The following NRG2 variants were observed in gnomAD, a reference collection of about 807,000 sequenced individuals.
NRG2 encodes the protein neuregulin 2.
In NRG2, 27 loss-of-function variants were observed where a neutral mutation model predicts 73.9. The observed-to-expected ratio is 0.37, with a 90% confidence interval of 0.27 to 0.50. The LOEUF (loss-of-function observed/expected upper bound fraction) is 0.50, where lower values mean the gene tolerates loss of function less well. NRG2 is among the 20% of genes least tolerant of loss of function. The pLI, the probability that NRG2 is intolerant of heterozygous loss-of-function variation, is 0.96. For synonymous variants in NRG2, 532 were observed against 541.0 expected (o/e 0.98, Z 0.23); for missense variants, 1,126 against 1,210.1 (o/e 0.93, Z 1.03).
chr5:140,022,194 G>A (rs1286839481), intron 1 of NRG2, among the ~76,000 whole-genome samples: 8 of 152,172 alleles, frequency 5.3e-5, no homozygotes, highest in South Asian at 2.1e-4. Flanking sequence ...TTCTTTCTTC[G>A]TGATTTTATT....
Position 139,865,683 on chromosome 5 carries a change from G to A in NRG2, c.1113-58C>T. ...AAACTGGCATCATCCGCGAGGCTAA[G>A]GTTAGAAATCAAAGTGCACAGTGAT... On this transcript the variant is annotated intron_variant, in intron 4 of 9. Transcript: ENST00000361474. This position sits in a 1 kb window ranked among gnomAD's most constrained non-coding sequence, Gnocchi z 5.2. 6.9e-7 allele frequency: 1 copy of A among 1,458,616 alleles called. No homozygotes were observed. The highest frequency in any genetic ancestry group is 1.2e-5 in the South Asian group (1 of 84,090). 90.4% of individuals were successfully genotyped at this position (1,458,616 alleles called of 1,614,324 possible).
rs1377533787 is a variant in NRG2, at chr5:140,008,456, G to A, written c.700+33914C>T. Reference sequence around the variant, plus strand: ...TTGGGTCTGACCTACTCTCTCTAAGGTCTAGTCCTATTATAGGCCCACTTC... The same window carrying A: ...TTGGGTCTGACCTACTCTCTCTAAGATCTAGTCCTATTATAGGCCCACTTC... On this transcript the variant is annotated intron_variant, in intron 1 of 9. Transcript: ENST00000361474. The surrounding 1 kb of genome is among the most constrained non-coding windows in gnomAD (Gnocchi z 4.2). Among the ~76,000 whole-genome samples the A allele has an allele frequency of 6.6e-6, 1 of 152,144 alleles. No homozygotes were observed. The highest frequency in any genetic ancestry group is 1.5e-5 in the Non-Finnish European group (1 of 68,032).
chr5:139,887,125 G>A lies in NRG2; in HGVS notation c.872+215C>T, dbSNP rs1394113078. 6.6e-6 allele frequency among the ~76,000 whole-genome samples: 1 copy of A among 152,196 alleles called. No individual in the cohort carries two copies. The highest frequency in any genetic ancestry group is 1.5e-5 in the Non-Finnish European group (1 of 68,034). On this transcript the variant is annotated intron_variant, in intron 2 of 9. Transcript: ENST00000361474. The surrounding 1 kb of genome is among the most constrained non-coding windows in gnomAD (Gnocchi z 4.5). ...AGTTAAAGGCTTAATTCTTGTCTGT[G>A]GTCTGCAAGACCCTGGGCCACCATG...
chr5:139,936,669 G>T (rs1752874203), intron 1 of NRG2, among the ~76,000 whole-genome samples: 1 of 152,122 alleles, frequency 6.6e-6, no homozygotes. Context: ...GGCTGGTATT[G>T]CTCTGATACC....
intron 1 of NRG2, among the ~76,000 whole-genome samples, chr5:140,040,818 CTTG>C (rs1761858442): frequency 6.6e-6 from 1 of 152,188 alleles, no homozygotes; most frequent in Non-Finnish European, 1.5e-5. Flanking sequence ...CTGGTCTCTA[CTTG>C]TCTTTATAAA....
At chr5:139,962,362 A>G (rs1755134174) in intron 1 of NRG2, among the ~76,000 whole-genome samples, 2 of 152,224 alleles carry the variant, frequency 1.3e-5, no homozygotes, top group African/African-American at 2.4e-5. Context: ...GGGTGATCAG[A>G]GCCAGCTTGG....
chr5:139,881,048 G>A (rs537183635), intron 2 of NRG2, 74 bp from the exon 3 acceptor site: 75 of 1,264,262 alleles, frequency 5.9e-5, no homozygotes, highest in East Asian at 5.8e-4. Context: ...GTCACCCAGC[G>A]GTTGCCTCTC....
At chr5:139,876,464 G>A (rs1763179743) in intron 3 of NRG2, among the ~76,000 whole-genome samples, 2 of 152,082 alleles carry the variant, frequency 1.3e-5, no homozygotes, top group South Asian at 4.2e-4. Context: ...ACTTTAAAAG[G>A]GTGAATTTTA....
chr5:140,012,314 C>T (rs1279698882), intron 1 of NRG2, among the ~76,000 whole-genome samples: 1 of 152,200 alleles, frequency 6.6e-6, no homozygotes, highest in African/African-American at 2.4e-5. Flanking sequence ...TGCCATCATG[C>T]CAAATGCTTC....
chr5:140,015,648 T>A (rs12655558), intron 1 of NRG2, among the ~76,000 whole-genome samples: 14,452 of 152,224 alleles, frequency 0.095, 1,133 homozygotes, highest in East Asian at 0.46. Context: ...GCCTGGAGCT[T>A]TCCATTTCTG....
chr5:139,958,132 T>G (rs1158126595), intron 1 of NRG2, among the ~76,000 whole-genome samples: 1 of 152,118 alleles, frequency 6.6e-6, no homozygotes, highest in Non-Finnish European at 1.5e-5. Context: ...ATGCAAGGCC[T>G]GACTACAACT....
chr5:139,938,160 T>A (rs1451539534), intron 1 of NRG2, among the ~76,000 whole-genome samples: 2 of 152,218 alleles, frequency 1.3e-5, no homozygotes, highest in African/African-American at 4.8e-5. Flanking sequence ...TGTTCATGGA[T>A]GAGAAGACTC....
intron 1 of NRG2, among the ~76,000 whole-genome samples, chr5:140,021,339 G>A (rs187079937): frequency 6.6e-6 from 1 of 152,298 alleles, no homozygotes; most frequent in African/African-American, 2.4e-5. Context: ...AAAGTCTGAG[G>A]TTAGGACTAT....
chr5:139,865,558 G>C lies in NRG2; in HGVS notation c.1180C>G (p.Pro394Ala). ...GTATCTTCAAACATACTTTGCTTAG[G>C]ATCTGGCATGTACAATCGCAAAGGC... ...KLPLRLYMPDPKQKAEELYQK... is the reference protein window; with the variant it reads ...KLPLRLYMPDAKQKAEELYQK... The change falls in exon 5 of 10, where the codon CCT becomes GCT. Residue 394 changes from proline to alanine, a missense_variant. By Grantham distance (27) the Pro-to-Ala change is conservative (BLOSUM62 -1). This residue lies in a region of NRG2 where 539 missense variants were observed against 703.2 expected (regional missense o/e 0.77). Coordinates refer to ENST00000361474, the MANE Select transcript of NRG2 (RefSeq NM_004883.3). This position sits in a 1 kb window ranked among gnomAD's most constrained non-coding sequence, Gnocchi z 5.2. 1 of 1,612,322 alleles carries C rather than the reference G, an allele frequency of 6.2e-7. No homozygotes were observed. The highest frequency in any genetic ancestry group is 2.2e-5 in the East Asian group (1 of 44,878).
rs140045880 is a variant in NRG2 at position 139,945,298 on chromosome 5, C to T, written c.701-57787G>A. On this transcript the variant is annotated intron_variant, in intron 1 of 9. Transcript: ENST00000361474. Reference sequence around the variant, plus strand: ...GTTTATTTTTGCTTTTGTCGCCTGTCTTATTCATAAAATATTTTCCCAGAC... The same window carrying T: ...GTTTATTTTTGCTTTTGTCGCCTGTTTTATTCATAAAATATTTTCCCAGAC... Among the ~76,000 whole-genome samples the T allele has an allele frequency of 7.4e-4, 112 of 151,952 alleles. 2 individuals are homozygous for T. In the East Asian group the frequency reaches 0.021, roughly 29 times the overall value.
At position 140,042,780 on chromosome 5, in the gene NRG2, G is replaced by A. The variant is rs1405344322; in HGVS notation, c.290C>T (p.Pro97Leu). The A allele has an allele frequency of 2.0e-6, 3 of 1,526,134 alleles. No individual in the cohort carries two copies. In the Admixed American group the frequency reaches 6.1e-5, roughly 31 times the overall value. The allele number at this position is 1,526,134 out of a possible 1,614,324, so 94.5% of individuals were successfully genotyped here. A position where few individuals can be genotyped will look rare whatever the true frequency, so the allele number is the denominator to read the frequency against. The change falls in exon 1 of 10, where the codon CCG (proline) becomes CTG (leucine). Residue 97 changes from proline (P) to leucine (L), a missense_variant. Physicochemically the swap from Pro to Leu is moderately conservative, Grantham distance 98. This residue lies in a region of NRG2 where 185 missense variants were observed against 149.0 expected (regional missense o/e 1.24). Transcript: ENST00000361474. ...GAGCAGCATGGAGAAGCCGGGGGCC[G>A]GGTCGCGCCTCATGCCGCCGGCGGC... Reference protein sequence around the residue: ...AAAAGGMRRDPAPGFSMLLFG... With the variant: ...AAAAGGMRRDLAPGFSMLLFG...
chr5:139,973,515 A>C (rs1386134896), intron 1 of NRG2, among the ~76,000 whole-genome samples: 1 of 152,060 alleles, frequency 6.6e-6, no homozygotes, highest in Admixed American at 6.6e-5. Flanking sequence ...GCATGTGCCT[A>C]CACCCCTGGC....
At chr5:139,926,322 A>G (rs1752057869) in intron 1 of NRG2, among the ~76,000 whole-genome samples, 1 of 152,138 alleles carries the variant, frequency 6.6e-6, no homozygotes, top group Non-Finnish European at 1.5e-5. Context: ...CTGACCAGGG[A>G]AGGATGGCCC....
Position 139,848,391 on chromosome 5 carries a change from G to T in NRG2, c.2079C>A (p.Leu693=). 1 of 1,253,702 alleles carries T rather than the reference G, an allele frequency of 8.0e-7. No homozygotes were observed. The highest frequency in any genetic ancestry group is 9.9e-7 in the Non-Finnish European group (1 of 1,005,618). The allele number at this position is 1,253,702 out of a possible 1,614,324, so 77.7% of individuals were successfully genotyped here. ...GPGPRRGTCA[L]GGSLGSLPAS... ...CAGGCAGGCTGCCCAGGCTGCCGCC[G>T]AGCGCGCAGGTCCCGCGCCGCGGTC... The change falls in exon 10 of 10, where the codon CTC becomes CTA. Residue 693 remains leucine (L), a synonymous_variant. Transcript: ENST00000361474.
Sources: gnomAD v4.1 joint callset for allele counts (sites outside exome capture counted in the v4.1 genomes callset) on GRCh38, gnomAD v4.1.1 for gene constraint, gnomAD v4.1.1 regional missense constraint, Gnocchi (gnomAD v3.1) non-coding constraint, MANE v1.5 for transcripts, NCBI Gene and HGNC (gene_info 2026-07-23, HGNC 2026-07-21) for gene names.